CAMTA1: variants seen among roughly 807,000 people sequenced by gnomAD.
CAMTA1 encodes the protein calmodulin-binding transcription activator 1.
Under a neutral mutation model 170.9 loss-of-function variants are expected in CAMTA1, and 27 were observed. That is an observed-to-expected ratio of 0.16 (90% CI 0.12 to 0.22). CAMTA1 has a LOEUF of 0.22. Ranked by LOEUF, CAMTA1 falls within the 10% of genes least tolerant of loss-of-function variation. The pLI, the probability that CAMTA1 is intolerant of heterozygous loss-of-function variation, is 1.00. For missense variants in CAMTA1, 1,619 were observed against 2,217.2 expected, an observed-to-expected ratio of 0.73 and a Z score of 5.42; for synonymous variants, 833 against 891.5, an observed-to-expected ratio of 0.93 and a Z score of 1.17.
intron 3 of CAMTA1, among the ~76,000 whole-genome samples, chr1:7,033,565 A>G (rs1420407616): frequency 6.8e-6 from 1 of 146,612 alleles, no homozygotes; most frequent in Non-Finnish European, 1.5e-5. Context: ...GGTACTGTGT[A>G]CATGTTTATT....
chr1:6,845,625 A>G (rs899037365), intron 3 of CAMTA1, among the ~76,000 whole-genome samples: 2 of 152,232 alleles, frequency 1.3e-5, no homozygotes, highest in African/African-American at 2.4e-5. Flanking sequence ...CAATGTTACC[A>G]TGGATGATTT....
chr1:6,930,167 C>T (rs953678037), intron 3 of CAMTA1, among the ~76,000 whole-genome samples: 4 of 152,182 alleles, frequency 2.6e-5, no homozygotes, highest in Admixed American at 6.5e-5. Context: ...TCTGCCCAGA[C>T]GCCCTCTCCT....
At chr1:6,817,020 G>T (rs1394073276) in intron 1 of CAMTA1, among the ~76,000 whole-genome samples, 1 of 152,198 alleles carries the variant, frequency 6.6e-6, no homozygotes, top group Admixed American at 6.5e-5. Flanking sequence ...TCATTATGCA[G>T]TGCTGTGGAG....
intron 6 of CAMTA1, among the ~76,000 whole-genome samples, chr1:7,598,441 G>A (rs2150547005): frequency 6.6e-6 from 1 of 152,262 alleles, no homozygotes; most frequent in African/African-American, 2.4e-5. Context: ...AATCCTTTGG[G>A]TATATACCCA....
chr1:7,302,167 T>TG (rs57452296), intron 5 of CAMTA1, among the ~76,000 whole-genome samples: 59,977 of 147,538 alleles, frequency 0.41, 13,665 homozygotes, highest in Admixed American at 0.54. Context: ...TTGGTGGGGG[T>TG]GGGGGGTCTC....
At chr1:6,932,665 A>G (rs1362786616) in intron 3 of CAMTA1, among the ~76,000 whole-genome samples, 1 of 152,210 alleles carries the variant, frequency 6.6e-6, no homozygotes, top group Non-Finnish European at 1.5e-5. Context: ...TCCTACGGTC[A>G]GTCTTTGTCA....
chr1:7,701,784 G>C (rs1034235782), intron 11 of CAMTA1, among the ~76,000 whole-genome samples: 4 of 152,068 alleles, frequency 2.6e-5, no homozygotes, highest in Admixed American at 1.3e-4. Context: ...TCATAACTGA[G>C]TATTCTTTTT....
intron 4 of CAMTA1, among the ~76,000 whole-genome samples, chr1:7,160,430 T>G (rs188914090): frequency 6.6e-6 from 1 of 152,134 alleles, no homozygotes; most frequent in African/African-American, 2.4e-5. Context: ...TCCTCGTTTC[T>G]TTGACTATCT....
intron 3 of CAMTA1, among the ~76,000 whole-genome samples, chr1:6,850,358 C>T (rs946587885): frequency 6.6e-6 from 1 of 152,130 alleles, no homozygotes; most frequent in African/African-American, 2.4e-5. Context: ...TCTAAATGAT[C>T]TATCAAAAAA....
At chr1:7,497,648 C>G (rs2093851792) in intron 6 of CAMTA1, among the ~76,000 whole-genome samples, 1 of 152,174 alleles carries the variant, frequency 6.6e-6, no homozygotes, top group Non-Finnish European at 1.5e-5. Flanking sequence ...AATGCTACCA[C>G]TTTCATTTTT....
intron 6 of CAMTA1, among the ~76,000 whole-genome samples, chr1:7,531,032 G>T (rs568055047): frequency 4.1e-4 from 62 of 152,038 alleles, no homozygotes; most frequent in African/African-American, 1.4e-3. Flanking sequence ...GGCCAGGCTG[G>T]TCTCAAACTC....
At chr1:7,632,678 G>A (rs955668946) in intron 6 of CAMTA1, among the ~76,000 whole-genome samples, 16 of 152,220 alleles carry the variant, frequency 1.1e-4, no homozygotes, top group Non-Finnish European at 1.8e-4. Context: ...AGGCCAGGGC[G>A]GTGGGACCCT....
intron 6 of CAMTA1, among the ~76,000 whole-genome samples, chr1:7,637,931 C>G (rs1576527345): frequency 6.6e-6 from 1 of 152,230 alleles, no homozygotes; most frequent in African/African-American, 2.4e-5. Flanking sequence ...TACCGCAATC[C>G]AGAAAAGCCG....
Position 7,093,706 on chromosome 1 carries a change from A to G in CAMTA1, c.302+2335A>G, listed in dbSNP as rs1641744927. The stretch of plus-strand genomic sequence containing the variant: ...TGCCTGACTCGCATGACTTTCTGGA[A>G]TATACATAGAGCCAAGAGACCCCAC... On this transcript the variant is annotated intron_variant, in intron 4 of 22. Coordinates refer to ENST00000303635, the MANE Select transcript of CAMTA1 (RefSeq NM_015215.4). This position sits in a 1 kb window ranked among gnomAD's most constrained non-coding sequence, Gnocchi z 4.6. Among the ~76,000 whole-genome samples the G allele has an allele frequency of 6.6e-6, 1 of 152,132 alleles. No individual in the cohort carries two copies. The highest frequency in any genetic ancestry group is 2.4e-5 in the African/African-American group (1 of 41,422).
intron 4 of CAMTA1, among the ~76,000 whole-genome samples, chr1:7,157,956 G>A (rs1243773669): frequency 6.6e-6 from 1 of 152,128 alleles, no homozygotes; most frequent in Non-Finnish European, 1.5e-5. Flanking sequence ...TCAGGAGATC[G>A]AGACCATCCT....
chr1:7,241,164 A>G (rs911482058), intron 4 of CAMTA1, among the ~76,000 whole-genome samples: 20 of 152,374 alleles, frequency 1.3e-4, no homozygotes, highest in African/African-American at 4.6e-4. Context: ...CAATCCAAAA[A>G]TAAATTGAGA....
At chr1:7,283,595 C>CA (rs1671821572) in intron 5 of CAMTA1, among the ~76,000 whole-genome samples, 1 of 152,210 alleles carries the variant, frequency 6.6e-6, no homozygotes, top group African/African-American at 2.4e-5. Context: ...AACCCCAAGT[C>CA]ATGATCTTCA....
At chr1:6,883,273 C>G (rs1672123334) in intron 3 of CAMTA1, among the ~76,000 whole-genome samples, 1 of 151,996 alleles carries the variant, frequency 6.6e-6, no homozygotes, top group African/African-American at 2.4e-5. Flanking sequence ...ACGGGTTTCA[C>G]TGTGGGCTTG....
chr1:7,042,709 T>G (rs575979913), intron 3 of CAMTA1, among the ~76,000 whole-genome samples: 26 of 152,202 alleles, frequency 1.7e-4, no homozygotes, highest in African/African-American at 6.0e-4. Flanking sequence ...CCCTAGCGGG[T>G]TTTGCTCAGG....
Sources: gnomAD v4.1 joint callset for allele counts (sites outside exome capture counted in the v4.1 genomes callset) on GRCh38, gnomAD v4.1.1 for gene constraint, Gnocchi (gnomAD v3.1) non-coding constraint, MANE v1.5 for transcripts, NCBI Gene and HGNC (gene_info 2026-07-23, HGNC 2026-07-21) for gene names.